Variants in DICER1 observed in about 807,000 individuals in gnomAD.
DICER1 encodes endoribonuclease Dicer.
Under a neutral mutation model 194.1 loss-of-function variants are expected in DICER1, and 43 were observed. The ratio of observed to expected loss-of-function variants is 0.22; its 90% confidence interval spans 0.17 to 0.29. The LOEUF is 0.29. Ranked by LOEUF, DICER1 falls within the 10% of genes least tolerant of loss-of-function variation. DICER1 has a pLI of 1.00. For missense variants in DICER1, 1,608 were observed against 2,317.0 expected, an observed-to-expected ratio of 0.69 and a Z score of 6.28; for synonymous variants, 832 against 820.5, an observed-to-expected ratio of 1.01 and a Z score of -0.24.
intron 1 of DICER1, among the ~76,000 whole-genome samples, chr14:95,138,654 T>G (rs1233657472): frequency 6.6e-6 from 1 of 152,082 alleles, no homozygotes; most frequent in East Asian, 1.9e-4. Flanking sequence ...CTGCCTGACT[T>G]CTGCCGACCT....
chr14:95,087,595 G>A lies in DICER1; in HGVS notation c.*2903C>T, dbSNP rs559778560. The stretch of plus-strand genomic sequence containing the variant: ...GAAATGAGGTAAAGCATGGTACCAA[G>A]TGCAATGCTTATCTGTGCTACATGA... On this transcript the variant is annotated 3_prime_UTR_variant, in exon 27 of 27. Transcript: ENST00000343455. The A allele has an allele frequency of 9.4e-5, 22 of 233,170 alleles. No individual in the cohort carries two copies. In the South Asian group the frequency reaches 4.0e-3, roughly 42 times the overall value. The allele number at this position is 233,170 out of a possible 1,614,324, so 14.4% of individuals were successfully genotyped here.
chr14:95,133,091 A>AG (rs1210393187), intron 2 of DICER1, among the ~76,000 whole-genome samples: 1 of 152,196 alleles, frequency 6.6e-6, no homozygotes, highest in Non-Finnish European at 1.5e-5. Context: ...AGGTTTTCAG[A>AG]GGGGGAAAAA....
intron 23 of DICER1, 54 bp from the exon 24 acceptor site, chr14:95,094,210 C>T: frequency 1.2e-6 from 2 of 1,603,824 alleles, no homozygotes; most frequent in Non-Finnish European, 8.5e-7. Flanking sequence ...TTACACTATC[C>T]CCACATAGCA....
intron 1 of DICER1, among the ~76,000 whole-genome samples, chr14:95,140,073 G>T (rs114596315): frequency 0.023 from 3,440 of 152,260 alleles, 151 homozygotes; most frequent in African/African-American, 0.079. Flanking sequence ...GGCAGGTAAA[G>T]GTTCTAGTTT....
At chr14:95,134,936 G>A (rs754293943) in intron 1 of DICER1, among the ~76,000 whole-genome samples, 1 of 152,148 alleles carries the variant, frequency 6.6e-6, no homozygotes, top group Non-Finnish European at 1.5e-5. Context: ...CTGAATCAAA[G>A]CCCCAACAGC....
chr14:95,101,086 G>A (rs908125201), intron 21 of DICER1, among the ~76,000 whole-genome samples: 1 of 152,228 alleles, frequency 6.6e-6, no homozygotes, highest in Non-Finnish European at 1.5e-5. Context: ...GATGAAGAAA[G>A]AGCTACGTAA....
intron 11 of DICER1, among the ~76,000 whole-genome samples, chr14:95,114,849 T>C (rs911807201): frequency 2.0e-5 from 3 of 152,010 alleles, no homozygotes; most frequent in Non-Finnish European, 4.4e-5. Context: ...CATAAGAAAA[T>C]AGCAGACAAA....
At chr14:95,120,626 G>A (rs973363507) in intron 8 of DICER1, among the ~76,000 whole-genome samples, 1 of 152,086 alleles carries the variant, frequency 6.6e-6, no homozygotes, top group Non-Finnish European at 1.5e-5. Context: ...TATGTCAAAG[G>A]GACACGGGTG....
At chr14:95,154,829 A>C (rs2140484473) in intron 1 of DICER1, among the ~76,000 whole-genome samples, 1 of 152,060 alleles carries the variant, frequency 6.6e-6, no homozygotes, top group Non-Finnish European at 1.5e-5. Context: ...GTACACTTAA[A>C]ATGGTTCAAC....
At position 95,094,107 on chromosome 14, in the gene DICER1, G is replaced by A. The variant is rs139500905; in HGVS notation, c.5145C>T (p.Leu1715=). The A allele has an allele frequency of 1.7e-3, 2,700 of 1,614,130 alleles. 3 individuals carry two copies. Among genetic ancestry groups the A allele is most frequent in the Non-Finnish European group, 2.1e-3 (2,426 of 1,180,018 alleles). Residue 1715 remains leucine (L), a synonymous_variant, in exon 24 of 27, where the codon CTC becomes CTT. Coordinates refer to ENST00000343455, the MANE Select transcript of DICER1 (RefSeq NM_177438.3). ...EFLGDAILDY[L]ITKHLYEDPR... is the part of the protein sequence containing the mutation. Reference sequence around the variant, plus strand: ...GGTCTTCATAAAGGTGCTTGGTTATGAGGTAGTCCAAAATCGCATCTCCCA... The same window carrying A: ...GGTCTTCATAAAGGTGCTTGGTTATAAGGTAGTCCAAAATCGCATCTCCCA...
chr14:95,142,579 C>T (rs1477839908), intron 1 of DICER1, among the ~76,000 whole-genome samples: 2 of 152,116 alleles, frequency 1.3e-5, no homozygotes, highest in African/African-American at 4.8e-5. Flanking sequence ...CTAAGTTATC[C>T]ACATTATTTC....
chr14:95,137,465 AG>A (rs558009929), intron 1 of DICER1, among the ~76,000 whole-genome samples: 143 of 125,264 alleles, frequency 1.1e-3, no homozygotes, highest in African/African-American at 4.1e-3. Flanking sequence ...GGAAAGAAAA[AG>A]GGGACAGGAA....
In DICER1 at chr14:95,108,405, G is replaced by A. The variant is rs1378890346; in HGVS notation, c.2355C>T (p.Leu785=). ...MVLTTPLPDE[L]NFRRRKLYPP... ...GATAGAGCTTCCGCCTTCTAAAGTT[G>A]AGTTCATCAGGTAAAGGTGTAGTTA... is the stretch of plus-strand genomic sequence containing the variant. Residue 785 remains leucine (L), a synonymous_variant, in exon 15 of 27, where the codon CTC becomes CTT. Coordinates refer to ENST00000343455, the MANE Select transcript of DICER1 (RefSeq NM_177438.3). 1.2e-6 allele frequency: 2 copies of A among 1,614,074 alleles called. No individual in the cohort carries two copies. The highest frequency in any genetic ancestry group is 3.3e-5 in the Admixed American group (2 of 60,018).
chr14:95,157,867 G>C (rs1160641071), upstream of DICER1: 1 of 152,274 alleles, frequency 6.6e-6, no homozygotes, highest in Non-Finnish European at 1.5e-5. Context: ...CCGTAACGTG[G>C]CCGTAATTGT....
chr14:95,107,020 G>A (rs1176607861), intron 17 of DICER1, among the ~76,000 whole-genome samples: 6 of 151,980 alleles, frequency 3.9e-5, no homozygotes, highest in Non-Finnish European at 5.9e-5. Flanking sequence ...AGAACGGGTC[G>A]ACCTTAAGAG....
chr14:95,091,476 G>C (rs1889835769), intron 24 of DICER1, 111 bp from the exon 25 acceptor site: 1 of 961,500 alleles, frequency 1.0e-6, no homozygotes. Context: ...TTTAGTAAGG[G>C]GGGAAATACC....
intron 24 of DICER1, among the ~76,000 whole-genome samples, chr14:95,092,420 TA>T (rs532293618): frequency 1.3e-5 from 2 of 152,182 alleles, no homozygotes; most frequent in East Asian, 3.9e-4. Flanking sequence ...GTGAAAAAAA[TA>T]AAGAGAAAGT....
At chr14:95,099,670 A>C in intron 22 of DICER1, 110 bp downstream of exon 22, 1 of 1,406,746 alleles carries the variant, frequency 7.1e-7, no homozygotes, top group Non-Finnish European at 9.4e-7. Flanking sequence ...ATACCAAGAA[A>C]ATGAAACAAA....
chr14:95,130,038 G>C lies in DICER1; in HGVS notation c.573+20C>G, dbSNP rs748281794. ...TCAATAGTTTACCAAGAATTACTAA[G>C]ACTTAGGTCTAAAACTTACCTTCAT... On this transcript the variant is annotated intron_variant, in intron 5 of 26. Transcript: ENST00000343455. 11 of 1,610,834 alleles carry C rather than the reference G, an allele frequency of 6.8e-6. No individual in the cohort carries two copies. The highest frequency in any genetic ancestry group is 8.5e-6 in the Non-Finnish European group (10 of 1,177,996).
Sources: gnomAD v4.1 joint callset for allele counts (sites outside exome capture counted in the v4.1 genomes callset) on GRCh38, gnomAD v4.1.1 for gene constraint, MANE v1.5 for transcripts, NCBI Gene and HGNC (gene_info 2026-07-23, HGNC 2026-07-21) for gene names.